DMXL2: variants seen among roughly 807,000 people sequenced by gnomAD.
DMXL2 encodes the protein dmX-like protein 2.
DMXL2 carries 103 observed loss-of-function variants against 331.1 expected under a neutral mutation model. The observed-to-expected ratio is 0.31, with a 90% CI of 0.27 to 0.37. The LOEUF (loss-of-function observed/expected upper bound fraction) is 0.37. Among genes scored for constraint, DMXL2 ranks in the 10% least tolerant of loss-of-function variants. The pLI is 1.00. For synonymous variants in DMXL2, 1,281 were observed against 1,252.1 expected (o/e 1.02, Z -0.49); for missense variants, 3,171 against 3,642.9 (o/e 0.87, Z 3.33).
rs752012200 is a variant in DMXL2 at position 51,563,477 on chromosome 15, CT to C, written c.501-31del. 9.3e-6 allele frequency: 14 copies of C among 1,512,542 alleles called. No homozygotes were observed. The East Asian group carries it at 2.8e-4, about 30-fold the overall frequency. The allele number at this position is 1,512,542 out of a possible 1,614,324, so 93.7% of individuals were successfully genotyped here. A position where few individuals can be genotyped will look rare whatever the true frequency, so the allele number is the denominator to read the frequency against. On this transcript the variant is annotated intron_variant, in intron 5 of 43. Transcript: ENST00000560891. ...AAAAGAGAGAGTTAGGCAATTAGCCCTTTTAAAATCTGGTGTACTGTATATA... is the reference window on the plus strand; with the variant it reads ...AAAAGAGAGAGTTAGGCAATTAGCCCTTTAAAATCTGGTGTACTGTATATA...
intron 23 of DMXL2, among the ~76,000 whole-genome samples, chr15:51,483,673 A>T (rs1229667773): frequency 6.6e-6 from 1 of 151,936 alleles, no homozygotes; most frequent in Non-Finnish European, 1.5e-5. Flanking sequence ...CCCTGCACTC[A>T]GAGTTCTGGC....
intron 1 of DMXL2, chr15:51,603,551 T>C (rs550543013): frequency 2.6e-5 from 4 of 152,086 alleles, no homozygotes; most frequent in African/African-American, 9.7e-5. Context: ...CTATTCTACA[T>C]AATCCTGAGA....
intron 1 of DMXL2, among the ~76,000 whole-genome samples, chr15:51,592,739 G>C (rs1022584123): frequency 1.3e-4 from 20 of 152,230 alleles, no homozygotes; most frequent in African/African-American, 4.1e-4. Context: ...ACAAGAGCCA[G>C]AAGAGAGTGG....
At chr15:51,535,991 TG>T (rs1360852148) in intron 12 of DMXL2, among the ~76,000 whole-genome samples, 174 bp downstream of exon 12, 1 of 152,214 alleles carries the variant, frequency 6.6e-6, no homozygotes, top group Non-Finnish European at 1.5e-5. Flanking sequence ...TAAAAACTTC[TG>T]GAAGTTCTAA....
At chr15:51,592,480 T>G (rs1284112724) in intron 1 of DMXL2, among the ~76,000 whole-genome samples, 1 of 152,226 alleles carries the variant, frequency 6.6e-6, no homozygotes, top group East Asian at 1.9e-4. Context: ...GGAACCAAGT[T>G]GGAAAACACT....
intron 1 of DMXL2, among the ~76,000 whole-genome samples, chr15:51,606,823 T>C (rs1465511575): frequency 6.6e-6 from 1 of 152,074 alleles, no homozygotes; most frequent in Non-Finnish European, 1.5e-5. Context: ...GCAAATTGAT[T>C]AGAAAAAAAC....
intron 36 of DMXL2, 116 bp downstream of exon 36, chr15:51,458,390 C>CT (rs1381338054): frequency 8.9e-7 from 1 of 1,117,472 alleles, no homozygotes; most frequent in African/African-American, 1.6e-5. Flanking sequence ...TATTTGTCAC[C>CT]TACCCAAATG....
At chr15:51,567,412 T>A (rs2050364978) in intron 3 of DMXL2, 1 of 152,122 alleles carries the variant, frequency 6.6e-6, no homozygotes, top group Non-Finnish European at 1.5e-5. Flanking sequence ...TACCTTTAGA[T>A]AACATTTTAC....
intron 1 of DMXL2, among the ~76,000 whole-genome samples, chr15:51,579,919 G>A (rs1330553792): frequency 6.6e-6 from 1 of 152,170 alleles, no homozygotes; most frequent in Admixed American, 6.5e-5. Flanking sequence ...TGCTTTTGAA[G>A]ACAGAGAAGC....
chr15:51,614,449 A>G (rs1005395612), intron 1 of DMXL2, among the ~76,000 whole-genome samples: 1 of 152,202 alleles, frequency 6.6e-6, no homozygotes, highest in African/African-American at 2.4e-5. Flanking sequence ...ACTGAGGAAA[A>G]TTTGAGAACC....
In DMXL2 at chr15:51,480,578, C is replaced by T. The variant is rs754790687; in HGVS notation, c.6528G>A (p.Arg2176=). ...CTTGTAGCAAAAATTTGAGTTCCAT[C>T]CTTACTGAAGCCAAACCACCACCTT... The part of the protein sequence containing the change: ...GAQGGGLASV[R]MELKFLLQES... Residue 2176 remains arginine, a synonymous_variant, in exon 24 of 44, where the codon AGG becomes AGA. Transcript: ENST00000560891. The T allele has an allele frequency of 6.5e-7, 1 of 1,545,698 alleles. No homozygotes were observed.
chr15:51,590,112 G>A (rs1461725946), intron 1 of DMXL2, among the ~76,000 whole-genome samples: 1 of 152,196 alleles, frequency 6.6e-6, no homozygotes, highest in Non-Finnish European at 1.5e-5. Context: ...GACTGGATCT[G>A]GCGTTGACAC....
At chr15:51,599,286 T>C (rs752810650) in intron 1 of DMXL2, among the ~76,000 whole-genome samples, 36 of 152,370 alleles carry the variant, frequency 2.4e-4, no homozygotes, top group Non-Finnish European at 4.4e-4. Context: ...TAGTGGTTCC[T>C]TTTAGTGGAC....
chr15:51,567,775 G>A (rs2141070465), intron 3 of DMXL2: 2 of 152,396 alleles, frequency 1.3e-5, no homozygotes, highest in South Asian at 4.1e-4. Flanking sequence ...AAGGCTTTTG[G>A]CTTTTTATCT....
chr15:51,480,252 T>A, intron 24 of DMXL2, 113 bp from the exon 25 acceptor site: 2 of 1,111,028 alleles, frequency 1.8e-6, no homozygotes, highest in Non-Finnish European at 2.5e-6. Context: ...CGCTCACTCA[T>A]TCTACACAAA....
chr15:51,548,070 T>C (rs1355317879), intron 6 of DMXL2, among the ~76,000 whole-genome samples: 1 of 152,156 alleles, frequency 6.6e-6, no homozygotes, highest in Non-Finnish European at 1.5e-5. Context: ...CAATGCCCAC[T>C]TAAAATATTT....
At chr15:51,612,386 C>A (rs1034758579) in intron 1 of DMXL2, among the ~76,000 whole-genome samples, 1 of 152,116 alleles carries the variant, frequency 6.6e-6, no homozygotes, top group South Asian at 2.1e-4. Flanking sequence ...ATAACAATAT[C>A]GGGGGAAATT....
chr15:51,543,671 T>C (rs2048729238), intron 8 of DMXL2, among the ~76,000 whole-genome samples: 1 of 152,144 alleles, frequency 6.6e-6, no homozygotes, highest in Non-Finnish European at 1.5e-5. Flanking sequence ...AGGAGTTCCA[T>C]AGGAAAGGAT....
At chr15:51,456,928 T>C (rs1225958069) in intron 37 of DMXL2, among the ~76,000 whole-genome samples, 1 of 152,146 alleles carries the variant, frequency 6.6e-6, no homozygotes, top group Non-Finnish European at 1.5e-5. Flanking sequence ...TCCTAGCACC[T>C]TGGGAGGCTG....
Sources: gnomAD v4.1 joint callset for allele counts (sites outside exome capture counted in the v4.1 genomes callset) on GRCh38, gnomAD v4.1.1 for gene constraint, MANE v1.5 for transcripts, NCBI Gene and HGNC (gene_info 2026-07-23, HGNC 2026-07-21) for gene names.